Variants in USP10 observed in about 807,000 individuals in gnomAD.
USP10 encodes the protein ubiquitin specific peptidase 10.
Under a neutral mutation model 84.5 loss-of-function variants are expected in USP10, and 22 were observed. That is an observed-to-expected ratio of 0.26 (90% CI 0.19 to 0.37). The LOEUF (loss-of-function observed/expected upper bound fraction) is 0.37. Among genes scored for constraint, USP10 ranks in the 10% least tolerant of loss-of-function variants. The pLI is 1.00. For synonymous variants in USP10, 454 were observed against 387.6 expected, an observed-to-expected ratio of 1.17 and a Z score of -2.01; for missense variants, 1,019 against 998.9, an observed-to-expected ratio of 1.02 and a Z score of -0.27.
At chr16:84,714,935 A>C (rs7201543) in intron 1 of USP10, among the ~76,000 whole-genome samples, 2 of 138,674 alleles carry the variant, frequency 1.4e-5, no homozygotes, top group African/African-American at 2.7e-5. Flanking sequence ...TATTATTATT[A>C]TTTTTTTTTT....
intron 1 of USP10, chr16:84,732,372 T>C (rs1228988739): frequency 2.7e-6 from 1 of 370,722 alleles, no homozygotes; most frequent in Admixed American, 3.6e-5. Flanking sequence ...TAAATAATTA[T>C]TGATTAAATG....
intron 1 of USP10, among the ~76,000 whole-genome samples, chr16:84,717,446 C>T (rs1002987174): frequency 6.6e-6 from 1 of 152,166 alleles, no homozygotes; most frequent in African/African-American, 2.4e-5. Flanking sequence ...GACCCCAGTT[C>T]TTTGAAGGCA....
chr16:84,703,367 G>A (rs1315393861), intron 1 of USP10, among the ~76,000 whole-genome samples: 1 of 152,188 alleles, frequency 6.6e-6, no homozygotes, highest in African/African-American at 2.4e-5. Context: ...CAATTTGAAT[G>A]TCATGCAGTT....
At chr16:84,712,494 T>C (rs1017314569) in intron 1 of USP10, among the ~76,000 whole-genome samples, 3 of 152,184 alleles carry the variant, frequency 2.0e-5, no homozygotes, top group Non-Finnish European at 4.4e-5. Context: ...CAGGGACCAG[T>C]TGAAGCAAAC....
At chr16:84,701,105 C>T (rs1244234085) in intron 1 of USP10, among the ~76,000 whole-genome samples, 1 of 152,152 alleles carries the variant, frequency 6.6e-6, no homozygotes, top group Non-Finnish European at 1.5e-5. Context: ...AAACTGATTG[C>T]GAGTAAAATC....
intron 4 of USP10, among the ~76,000 whole-genome samples, chr16:84,757,307 A>G (rs1912659631): frequency 6.6e-6 from 1 of 151,962 alleles, no homozygotes; most frequent in Non-Finnish European, 1.5e-5. Flanking sequence ...TTTACTTTCT[A>G]CAGAAGAAGA....
intron 13 of USP10, among the ~76,000 whole-genome samples, chr16:84,776,937 C>T (rs1433263731): frequency 1.3e-5 from 2 of 152,208 alleles, no homozygotes; most frequent in Admixed American, 6.5e-5. Flanking sequence ...CTCAGCCCCC[C>T]GAGTAGCTGG....
rs562734330 is a variant in USP10 at position 84,758,756 on chromosome 16, G to A, written c.1233G>A (p.Ser411=). Reference sequence around the variant, plus strand: ...TAACCCTAATCCATAAACCAGTGTCGTTGCAACCCCGTGGGCTGATCAATA... The same window carrying A: ...TAACCCTAATCCATAAACCAGTGTCATTGCAACCCCGTGGGCTGATCAATA... The part of the protein sequence containing the change: ...ENVTLIHKPV[S]LQPRGLINKG... The change falls in exon 5 of 14, where the codon TCG becomes TCA. Residue 411 remains serine (S), a synonymous_variant. Coordinates refer to ENST00000219473, the MANE Select transcript of USP10 (RefSeq NM_005153.3). 1.4e-5 allele frequency: 22 copies of A among 1,613,764 alleles called. No individual in the cohort carries two copies. In the Admixed American group the frequency reaches 1.8e-4, roughly 13 times the overall value.
chr16:84,718,212 A>G (rs1907306312), intron 1 of USP10, among the ~76,000 whole-genome samples: 2 of 152,182 alleles, frequency 1.3e-5, no homozygotes, highest in African/African-American at 4.8e-5. Flanking sequence ...ATTACAAAAG[A>G]AATGTCTTTT....
intron 4 of USP10, among the ~76,000 whole-genome samples, chr16:84,756,512 G>T (rs931311080): frequency 6.6e-6 from 1 of 152,164 alleles, no homozygotes; most frequent in African/African-American, 2.4e-5. Context: ...AAAATCACTT[G>T]AACCCAGGAC....
At chr16:84,700,148 C>G (rs1398040041) in intron 1 of USP10, 37 bp downstream of exon 1, 8 of 1,259,768 alleles carry the variant, frequency 6.4e-6, no homozygotes, top group African/African-American at 4.8e-5. Flanking sequence ...GGAAGGGGCC[C>G]GAGCCCCGGG....
rs369832457 is a variant in USP10, at chr16:84,703,319, A to G, written c.21+3208A>G. Among the ~76,000 whole-genome samples the G allele has an allele frequency of 2.9e-4, 44 of 152,322 alleles. No homozygotes were observed. In the East Asian group the frequency reaches 7.9e-3, roughly 27 times the overall value. On this transcript the variant is annotated intron_variant, in intron 1 of 13. Coordinates refer to ENST00000219473, the MANE Select transcript of USP10 (RefSeq NM_005153.3). ...AAAAATATTTGTGATTATTGATGTC[A>G]TTTATAGTGAAATCTCCACAATAAT...
chr16:84,757,455 T>G (rs1356278378), intron 4 of USP10, among the ~76,000 whole-genome samples: 1 of 149,432 alleles, frequency 6.7e-6, no homozygotes, highest in Admixed American at 6.7e-5. Flanking sequence ...GTTTTGAATT[T>G]TGTAAATTAA....
In USP10 at chr16:84,777,521, A is replaced by G. The variant is rs763790768; in HGVS notation, c.2210-1374A>G. ...GACTTGTGCAGCACAGGATGAAGCT[A>G]TGCCCTTGGATTGGCTGTGTCCCTG... On this transcript the variant is annotated intron_variant, in intron 13 of 13. Transcript: ENST00000219473. Among the ~76,000 whole-genome samples, 5 of 152,296 alleles carry G rather than the reference A, an allele frequency of 3.3e-5. No individual in the cohort carries two copies. In the East Asian group the frequency reaches 7.7e-4, roughly 23 times the overall value.
rs576095842 is a variant in USP10 at position 84,764,025 on chromosome 16, C to CTTT, written c.1655-51_1655-49dup. The CTTT allele has an allele frequency of 3.2e-6, 4 of 1,239,808 alleles. No homozygotes were observed. The African/African-American group carries it at 4.6e-5, about 14-fold the overall frequency. The allele number at this position is 1,239,808 out of a possible 1,614,324, so 76.8% of individuals were successfully genotyped here. ...AAAACTGCAATCGACAGATCTGTGC[C>CTTT]TTTTTTTTTTTTGCTGTTCTTGTCG... On this transcript the variant is annotated intron_variant, in intron 9 of 13. Transcript: ENST00000219473.
intron 8 of USP10, 106 bp from the exon 9 acceptor site, chr16:84,762,883 C>T (rs1913372740): frequency 3.3e-6 from 2 of 609,818 alleles, no homozygotes; most frequent in Admixed American, 2.6e-5. Context: ...TACTTTACAT[C>T]TTCCATTTCA....
chr16:84,764,762 C>T (rs1045565027), intron 10 of USP10, among the ~76,000 whole-genome samples: 3 of 151,416 alleles, frequency 2.0e-5, no homozygotes, highest in African/African-American at 4.9e-5. Flanking sequence ...ACCCAGGAGG[C>T]AGAGGTTGCA....
rs564203952 is a variant in USP10, at chr16:84,779,114, C to T, written c.*32C>T. 6.9e-6 allele frequency: 11 copies of T among 1,588,784 alleles called. No individual in the cohort carries two copies. The African/African-American group carries it at 1.2e-4, about 17-fold the overall frequency. ...TGTGCGCTGTGTGTGCGCCCAGTGC[C>T]CGCTTCGTAGGACACCACCTCACAC... On this transcript the variant is annotated 3_prime_UTR_variant, in exon 14 of 14. Transcript: ENST00000219473.
intron 4 of USP10, among the ~76,000 whole-genome samples, chr16:84,754,682 T>C (rs963696014): frequency 2.6e-5 from 4 of 152,216 alleles, no homozygotes; most frequent in Non-Finnish European, 5.9e-5. Flanking sequence ...GAATGGCTGA[T>C]GTAGAAACTA....
Sources: allele counts gnomAD v4.1 joint callset (sites outside exome capture counted in the v4.1 genomes callset), GRCh38; gene constraint gnomAD v4.1.1; transcripts MANE v1.5; gene names NCBI Gene and HGNC (gene_info 2026-07-23, HGNC 2026-07-21).